RGS6: variants seen among roughly 807,000 people sequenced by gnomAD.
RGS6 encodes the protein regulator of G protein signaling 6, also known as regulator of G-protein signaling 6.
RGS6 carries 30 observed loss-of-function variants against 78.5 expected under a neutral mutation model. That is an observed-to-expected ratio of 0.38 (90% CI 0.29 to 0.52). The LOEUF (loss-of-function observed/expected upper bound fraction) is 0.52, where lower values mean the gene tolerates loss of function less well. Among genes scored for constraint, RGS6 ranks in the 20% least tolerant of loss-of-function variants. The pLI, the probability that RGS6 is intolerant of heterozygous loss-of-function variation, is 0.85. For missense variants in RGS6, 495 were observed against 609.7 expected (o/e 0.81, Z 1.98); for synonymous variants, 206 against 206.0 (o/e 1.00, Z 0.00).
chr14:72,326,389 A>G (rs933449724), intron 2 of RGS6, among the ~76,000 whole-genome samples: 2 of 152,166 alleles, frequency 1.3e-5, no homozygotes, highest in African/African-American at 4.8e-5. Flanking sequence ...TCCCTGCGCA[A>G]ATCACATGAT....
intron 3 of RGS6, among the ~76,000 whole-genome samples, chr14:72,412,765 G>T (rs1296708400): frequency 1.3e-5 from 2 of 152,132 alleles, no homozygotes; most frequent in African/African-American, 2.4e-5. Context: ...CTGGTATGTT[G>T]TGTCTTTGTT....
intron 13 of RGS6, among the ~76,000 whole-genome samples, chr14:72,495,942 C>A (rs1255718397): frequency 6.6e-6 from 1 of 152,192 alleles, no homozygotes; most frequent in Non-Finnish European, 1.5e-5. Context: ...AGGAAACACA[C>A]AGACAAAGCT....
chr14:72,054,457 A>G (rs1470147068), intron 2 of RGS6, among the ~76,000 whole-genome samples: 1 of 152,182 alleles, frequency 6.6e-6, no homozygotes, highest in African/African-American at 2.4e-5. Flanking sequence ...ATTCTAGCAT[A>G]CTAAGTATTT....
chr14:72,222,383 T>A (rs1306832349), intron 2 of RGS6, among the ~76,000 whole-genome samples: 1 of 152,220 alleles, frequency 6.6e-6, no homozygotes, highest in Non-Finnish European at 1.5e-5. Flanking sequence ...CTGTTGTAGA[T>A]GTCATGAGTG....
intron 3 of RGS6, among the ~76,000 whole-genome samples, chr14:72,368,271 C>T (rs1482268181): frequency 2.6e-5 from 4 of 152,094 alleles, no homozygotes; most frequent in Non-Finnish European, 4.4e-5. Context: ...GGATAGCTAA[C>T]CCACTCCTAG....
chr14:72,401,283 T>G (rs918469692), intron 3 of RGS6, among the ~76,000 whole-genome samples: 1 of 152,108 alleles, frequency 6.6e-6, no homozygotes, highest in Non-Finnish European at 1.5e-5. Context: ...GGATCAATTC[T>G]TAAGGAATAA....
chr14:72,023,427 T>A (rs1270031918), intron 2 of RGS6, among the ~76,000 whole-genome samples: 1 of 152,214 alleles, frequency 6.6e-6, no homozygotes, highest in Non-Finnish European at 1.5e-5. Flanking sequence ...CTAAATTGAA[T>A]CAATTCTCAA....
chr14:72,519,257 T>A (rs2096996796), intron 15 of RGS6, among the ~76,000 whole-genome samples: 2 of 152,226 alleles, frequency 1.3e-5, no homozygotes, highest in South Asian at 4.1e-4. Context: ...GACTAAATTT[T>A]GACGGCTGGG....
Position 72,262,888 on chromosome 14 carries a change from A to G in RGS6, c.85-89207A>G, listed in dbSNP as rs544347589. ...CTCCCCTTGAGCTCTGTGTCCCCCC[A>G]TGTTGGCCCCTCCTCAGGAGGGTCC... On this transcript the variant is annotated intron_variant, in intron 2 of 17. Coordinates refer to ENST00000553525, the MANE Select transcript of RGS6 (RefSeq NM_001204424.2). Among the ~76,000 whole-genome samples, 37 of 152,058 alleles carry G rather than the reference A, an allele frequency of 2.4e-4. 1 individual carries two copies. Among genetic ancestry groups the G allele is most frequent in the African/African-American group, 8.7e-4 (36 of 41,484 alleles).
At chr14:72,155,367 T>TA (rs1289863294) in intron 2 of RGS6, among the ~76,000 whole-genome samples, 5 of 152,216 alleles carry the variant, frequency 3.3e-5, no homozygotes, top group African/African-American at 1.2e-4. Context: ...GAGGGCTTGT[T>TA]ACCTGGAATC....
chr14:71,906,375 G>T, the RGS6 span, among the ~76,000 whole-genome samples: 2 of 152,156 alleles, frequency 1.3e-5, no homozygotes, highest in Non-Finnish European at 2.9e-5. Context: ...CAAACCAAAG[G>T]ACTGGTCTGA....
chr14:72,207,533 A>G (rs535652729), intron 2 of RGS6, among the ~76,000 whole-genome samples: 26 of 152,126 alleles, frequency 1.7e-4, no homozygotes, highest in Non-Finnish European at 2.9e-4. Flanking sequence ...CTCAAGATAA[A>G]TTTCTAGTTT....
intron 2 of RGS6, among the ~76,000 whole-genome samples, chr14:72,189,581 G>T (rs929356079): frequency 6.6e-6 from 1 of 152,130 alleles, no homozygotes; most frequent in Non-Finnish European, 1.5e-5. Flanking sequence ...TCATTGTGCA[G>T]TAAGTGATTT....
chr14:71,896,460 C>T, the RGS6 span, among the ~76,000 whole-genome samples: 1 of 152,174 alleles, frequency 6.6e-6, no homozygotes, highest in Admixed American at 6.5e-5. Flanking sequence ...TCACTCTCGT[C>T]ACCATCTTGG....
chr14:72,070,537 T>G (rs1205195458), intron 2 of RGS6, among the ~76,000 whole-genome samples: 1 of 152,188 alleles, frequency 6.6e-6, no homozygotes, highest in Non-Finnish European at 1.5e-5. Flanking sequence ...GTTCCTGGTG[T>G]TGGTGGTGGT....
intron 2 of RGS6, among the ~76,000 whole-genome samples, chr14:72,258,699 G>A (rs1267069620): frequency 1.3e-5 from 2 of 152,142 alleles, no homozygotes; most frequent in Non-Finnish European, 2.9e-5. Context: ...TGTCAAATGG[G>A]ACAAATAATG....
chr14:72,110,114 C>G (rs181680464), intron 2 of RGS6, among the ~76,000 whole-genome samples: 184 of 152,298 alleles, frequency 1.2e-3, no homozygotes, highest in African/African-American at 4.4e-3. Flanking sequence ...TTCTTTTGTT[C>G]AGGCTTACAC....
At chr14:72,512,795 C>G (rs1321395588) in intron 14 of RGS6, among the ~76,000 whole-genome samples, 1 of 152,224 alleles carries the variant, frequency 6.6e-6, no homozygotes, top group Admixed American at 6.5e-5. Flanking sequence ...ACAGGGCAGC[C>G]TTTTCCCCGT....
intron 2 of RGS6, among the ~76,000 whole-genome samples, chr14:72,320,615 A>G (rs1305433137): frequency 1.3e-5 from 2 of 151,350 alleles, no homozygotes; most frequent in Non-Finnish European, 3.0e-5. Flanking sequence ...AAAATAAAAA[A>G]CTATTAAAGA....
Sources: allele counts gnomAD v4.1 joint callset (sites outside exome capture counted in the v4.1 genomes callset), GRCh38; gene constraint gnomAD v4.1.1; transcripts MANE v1.5; gene names NCBI Gene and HGNC (gene_info 2026-07-23, HGNC 2026-07-21).